SLIT2: variants seen among roughly 807,000 people sequenced by gnomAD.
The protein encoded by SLIT2 is slit homolog 2 protein.
SLIT2 carries 41 observed loss-of-function variants against 185.7 expected under a neutral mutation model. That is an observed-to-expected ratio of 0.22 (90% confidence interval 0.17 to 0.29). The LOEUF is 0.29. Ranked by LOEUF, SLIT2 falls within the 10% of genes least tolerant of loss-of-function variation. The pLI is 1.00. For synonymous variants in SLIT2, 693 were observed against 680.2 expected (o/e 1.02, Z -0.29); for missense variants, 1,571 against 1,909.0 (o/e 0.82, Z 3.30).
intron 34 of SLIT2, among the ~76,000 whole-genome samples, chr4:20,611,480 T>G (rs1328866729): frequency 6.6e-6 from 1 of 152,244 alleles, no homozygotes; most frequent in Non-Finnish European, 1.5e-5. Flanking sequence ...AAGTCAAGAA[T>G]GCAGAGGCAT....
chr4:20,366,102 C>G (rs970685149), intron 4 of SLIT2, among the ~76,000 whole-genome samples: 3 of 152,122 alleles, frequency 2.0e-5, no homozygotes, highest in African/African-American at 7.2e-5. Context: ...AAATGATATG[C>G]TCAGTGTTAA....
chr4:20,267,344 A>G (rs1713136932), intron 3 of SLIT2, among the ~76,000 whole-genome samples: 1 of 151,882 alleles, frequency 6.6e-6, no homozygotes. Context: ...TAATTTTACT[A>G]TTTGCCTCTA....
At chr4:20,470,887 G>C (rs2148750293) in intron 5 of SLIT2, among the ~76,000 whole-genome samples, 1 of 152,220 alleles carries the variant, frequency 6.6e-6, no homozygotes, top group African/African-American at 2.4e-5. Flanking sequence ...AGGCAAAGCA[G>C]TATGTGTCTT....
intron 4 of SLIT2, among the ~76,000 whole-genome samples, chr4:20,301,198 T>C (rs1717005645): frequency 6.6e-6 from 1 of 152,148 alleles, no homozygotes; most frequent in Non-Finnish European, 1.5e-5. Flanking sequence ...TTAGAAAATT[T>C]TAAATTTTAA....
chr4:20,323,405 A>G (rs57495281), intron 4 of SLIT2, among the ~76,000 whole-genome samples: 10,407 of 152,272 alleles, frequency 0.068, 822 homozygotes, highest in African/African-American at 0.19. Flanking sequence ...ACACATGTAT[A>G]CTTACAATTA....
At chr4:20,473,800 C>A (rs947637356) in intron 5 of SLIT2, among the ~76,000 whole-genome samples, 2 of 151,936 alleles carry the variant, frequency 1.3e-5, no homozygotes, top group Non-Finnish European at 2.9e-5. Context: ...GATATAGAAT[C>A]AATATGTAAC....
chr4:20,296,486 A>C (rs1716496952), intron 4 of SLIT2, among the ~76,000 whole-genome samples: 1 of 152,244 alleles, frequency 6.6e-6, no homozygotes, highest in Admixed American at 6.5e-5. Context: ...TTCCAAGTAC[A>C]AGGGGTATTT....
At chr4:20,306,211 GGACT>G (rs1560301485) in intron 4 of SLIT2, among the ~76,000 whole-genome samples, 1 of 152,028 alleles carries the variant, frequency 6.6e-6, no homozygotes, top group Non-Finnish European at 1.5e-5. Context: ...GGGAGAAAGG[GGACT>G]GGTCAGTGGA....
intron 29 of SLIT2, among the ~76,000 whole-genome samples, chr4:20,588,486 G>T (rs1260860144): frequency 2.0e-5 from 3 of 152,158 alleles, no homozygotes; most frequent in Admixed American, 2.0e-4. Context: ...GACAGTTTTA[G>T]TAGTTTCCTG....
At chr4:20,323,159 T>G (rs1345296495) in intron 4 of SLIT2, among the ~76,000 whole-genome samples, 10 of 151,766 alleles carry the variant, frequency 6.6e-5, no homozygotes, top group East Asian at 5.8e-4. Flanking sequence ...TAGGCAAAGA[T>G]AGTAAAAATT....
intron 4 of SLIT2, among the ~76,000 whole-genome samples, chr4:20,366,877 A>C (rs1723162593): frequency 6.6e-6 from 1 of 152,042 alleles, no homozygotes; most frequent in Admixed American, 6.6e-5. Context: ...AGCTCACTGC[A>C]GCCTCAACCT....
At chr4:20,279,671 T>C (rs1319102709) in intron 4 of SLIT2, among the ~76,000 whole-genome samples, 1 of 152,212 alleles carries the variant, frequency 6.6e-6, no homozygotes, top group Non-Finnish European at 1.5e-5. Context: ...ATGTTTCTTA[T>C]GGAAGTGATG....
At chr4:20,313,616 G>A (rs923351411) in intron 4 of SLIT2, among the ~76,000 whole-genome samples, 6 of 152,072 alleles carry the variant, frequency 3.9e-5, no homozygotes, top group African/African-American at 1.4e-4. Context: ...ATGTGTTAAA[G>A]CGGTGGTCCC....
intron 4 of SLIT2, among the ~76,000 whole-genome samples, chr4:20,427,300 A>G (rs1204474462): frequency 1.3e-5 from 2 of 152,204 alleles, no homozygotes; most frequent in African/African-American, 4.8e-5. Flanking sequence ...GTATTTTTAT[A>G]TAAAACATTA....
At chr4:20,312,985 A>G (rs1049215786) in intron 4 of SLIT2, among the ~76,000 whole-genome samples, 1 of 152,148 alleles carries the variant, frequency 6.6e-6, no homozygotes, top group Admixed American at 6.5e-5. Flanking sequence ...CACAATAAAG[A>G]TATTTTTCAG....
At chr4:20,393,206 A>G (rs1262032697) in intron 4 of SLIT2, 1 of 152,104 alleles carries the variant, frequency 6.6e-6, no homozygotes, top group African/African-American at 2.4e-5. Context: ...TATATGGCTC[A>G]TAACTGTATG....
At position 20,528,815 on chromosome 4, in the gene SLIT2, T is replaced by A; in HGVS notation, c.1463-134T>A. 6.6e-6 allele frequency: 4 copies of A among 603,924 alleles called. No homozygotes were observed. Among genetic ancestry groups the A allele is most frequent in the Non-Finnish European group, 1.1e-5 (4 of 356,456 alleles). The allele number at this position is 603,924 out of a possible 1,614,324, so 37.4% of individuals were successfully genotyped here. On this transcript the variant is annotated intron_variant, in intron 15 of 36. Transcript: ENST00000504154. This position sits in a 1 kb window ranked among gnomAD's most constrained non-coding sequence, Gnocchi z 4.2. ...CTTTCTTTTAACCTTTCTCCTGACA[T>A]CCATTGACCAAAATACCCCAAGTTG...
At chr4:20,377,228 T>C (rs1329439345) in intron 4 of SLIT2, among the ~76,000 whole-genome samples, 2 of 152,104 alleles carry the variant, frequency 1.3e-5, no homozygotes, top group Non-Finnish European at 2.9e-5. Context: ...CATTCTCAAA[T>C]AGAAAAATGT....
At chr4:20,511,546 C>T (rs1255007218) in intron 11 of SLIT2, among the ~76,000 whole-genome samples, 10 of 145,972 alleles carry the variant, frequency 6.9e-5, no homozygotes, top group South Asian at 2.2e-4. Context: ...CTCAGCCTCC[C>T]GGTAGCTGGG....
Sources: gnomAD v4.1 joint callset for allele counts (sites outside exome capture counted in the v4.1 genomes callset) on GRCh38, gnomAD v4.1.1 for gene constraint, Gnocchi (gnomAD v3.1) non-coding constraint, MANE v1.5 for transcripts, NCBI Gene and HGNC (gene_info 2026-07-23, HGNC 2026-07-21) for gene names.